Variants in GRIN2B observed in about 807,000 individuals in gnomAD.
The protein encoded by GRIN2B is glutamate receptor ionotropic, NMDA 2B.
GRIN2B carries 5 observed loss-of-function variants against 114.5 expected under a neutral mutation model. The observed-to-expected ratio is 0.04, with a 90% CI of 0.02 to 0.09. The LOEUF (loss-of-function observed/expected upper bound fraction) is 0.09. GRIN2B is among the 10% of genes least tolerant of loss of function. The probability of loss-of-function intolerance (pLI) is 1.00; values close to 1 mark genes in which losing one functional copy is unlikely to be tolerated. For synonymous variants in GRIN2B, 787 were observed against 745.1 expected (o/e 1.06, Z -0.92); for missense variants, 1,108 against 1,943.5 (o/e 0.57, Z 8.08).
At chr12:13,867,820 A>T (rs1163117093) in intron 2 of GRIN2B, among the ~76,000 whole-genome samples, 4 of 151,678 alleles carry the variant, frequency 2.6e-5, no homozygotes, top group Non-Finnish European at 4.4e-5. Flanking sequence ...CCAAAACCAG[A>T]TTCTCATTCT....
rs1948318689 is a variant in GRIN2B at position 13,544,359 on chromosome 12, G to C, written c.*18424C>G. ...TGCTGGTCCCTTCTCATCTCCTGGA[G>C]CTTTGAACAATCCTCCACCCTGGGC... On this transcript the variant is annotated 3_prime_UTR_variant, in exon 14 of 14. Coordinates refer to ENST00000609686, the MANE Select transcript of GRIN2B (RefSeq NM_000834.5). 6.6e-6 allele frequency: 1 copy of C among 152,214 alleles called. No individual in the cohort carries two copies. The highest frequency in any genetic ancestry group is 1.5e-5 in the Non-Finnish European group (1 of 68,132). The allele number at this position is 152,214 out of a possible 1,614,324, so 9.4% of individuals were successfully genotyped here.
intron 3 of GRIN2B, among the ~76,000 whole-genome samples, chr12:13,827,229 C>CTTTTTTTTTTTTTTTTTTTTTT (rs57007962): frequency 1.0e-5 from 1 of 98,656 alleles, no homozygotes; most frequent in Non-Finnish European, 2.0e-5. Context: ...TTGTTGTTTT[C>CTTTTTTTTTTTTTTTTTTTTTT]TTTTTTTTTT....
chr12:13,621,632 T>G lies in GRIN2B; in HGVS notation c.1126-4975A>C, dbSNP rs868266395. The stretch of plus-strand genomic sequence containing the variant: ...GTTTTTGTTTTTTTTTTTTTTTTTT[T>G]TTTTTTTTCAGAAAAACAGTGATGT... On this transcript the variant is annotated intron_variant, in intron 5 of 13. Coordinates refer to ENST00000609686, the MANE Select transcript of GRIN2B (RefSeq NM_000834.5). 6.6e-3 allele frequency among the ~76,000 whole-genome samples: 967 copies of G among 147,360 alleles called. 52 individuals carry two copies. The highest frequency in any genetic ancestry group is 0.023 in the African/African-American group (921 of 39,692).
At chr12:13,669,469 C>T (rs780593654) in intron 5 of GRIN2B, among the ~76,000 whole-genome samples, 3 of 152,018 alleles carry the variant, frequency 2.0e-5, no homozygotes, top group East Asian at 1.9e-4. Context: ...TGTTGTCAAA[C>T]GGTGGTATCA....
intron 3 of GRIN2B, among the ~76,000 whole-genome samples, chr12:13,781,255 G>A (rs1248651084): frequency 1.3e-5 from 2 of 152,194 alleles, no homozygotes; most frequent in Admixed American, 6.5e-5. Context: ...GGGTAGGCAC[G>A]AAAGTTGAGA....
chr12:13,715,495 A>G (rs1425289384), intron 4 of GRIN2B, among the ~76,000 whole-genome samples: 1 of 151,962 alleles, frequency 6.6e-6, no homozygotes, highest in Non-Finnish European at 1.5e-5. Context: ...GAAAAGTAAC[A>G]TGCAGTAAAC....
intron 4 of GRIN2B, among the ~76,000 whole-genome samples, chr12:13,702,803 C>T (rs934328239): frequency 1.3e-5 from 2 of 152,178 alleles, no homozygotes; most frequent in Non-Finnish European, 2.9e-5. Flanking sequence ...CCCTTCCTGT[C>T]ATACCACATG....
rs1489676030 is a variant in GRIN2B, at chr12:13,753,958, C to G, written c.412-43G>C. ...CAAAAAAAGGAAGAGAGAAAAAAAT[C>G]AAACCAAAGATGGTAATGGAGATTT... On this transcript the variant is annotated intron_variant, in intron 3 of 13. Coordinates refer to ENST00000609686, the MANE Select transcript of GRIN2B (RefSeq NM_000834.5). The surrounding 1 kb of genome is among the most constrained non-coding windows in gnomAD (Gnocchi z 6.2). 1 of 1,322,988 alleles carries G rather than the reference C, an allele frequency of 7.6e-7. No individual in the cohort carries two copies. Among genetic ancestry groups the G allele is most frequent in the Non-Finnish European group, 1.1e-6 (1 of 917,876 alleles). 82.0% of individuals were successfully genotyped at this position (1,322,988 alleles called of 1,614,324 possible). A position where few individuals can be genotyped will look rare whatever the true frequency, so the allele number is the denominator to read the frequency against.
At chr12:13,909,181 G>A (rs574030387) in intron 2 of GRIN2B, among the ~76,000 whole-genome samples, 1 of 152,276 alleles carries the variant, frequency 6.6e-6, no homozygotes, top group East Asian at 1.9e-4. Context: ...GCTCAGGCAG[G>A]CCATGTTACA....
At chr12:13,874,546 C>A (rs934300326) in intron 2 of GRIN2B, among the ~76,000 whole-genome samples, 1 of 152,138 alleles carries the variant, frequency 6.6e-6, no homozygotes, top group African/African-American at 2.4e-5. Context: ...AATATCTGCA[C>A]GCAGTTCTTA....
intron 4 of GRIN2B, among the ~76,000 whole-genome samples, chr12:13,715,137 G>A (rs1482566675): frequency 1.3e-5 from 2 of 151,822 alleles, no homozygotes; most frequent in Non-Finnish European, 2.9e-5. Flanking sequence ...AGAAGACAAT[G>A]ATGTTCGCTA....
intron 12 of GRIN2B, 41 bp downstream of exon 12, chr12:13,569,789 C>T: frequency 7.8e-7 from 1 of 1,276,028 alleles, no homozygotes; most frequent in Non-Finnish European, 1.1e-6. Flanking sequence ...GACTGGCCAT[C>T]AGTAGAGGAC....
rs753955843 is a variant in GRIN2B, at chr12:13,675,832, C to A, written c.1038G>T (p.Gly346=). 6.2e-7 allele frequency: 1 copy of A among 1,605,398 alleles called. No homozygotes were observed. The highest frequency in any genetic ancestry group is 2.2e-5 in the East Asian group (1 of 44,800). Reference sequence around the variant, plus strand: ...CATCTTCACTGAAGGACAAATTCCTCCCCTCAAAAGTGACATTGATCAGAT... The same window carrying A: ...CATCTTCACTGAAGGACAAATTCCTACCCTCAAAAGTGACATTGATCAGAT... ...NRYLINVTFE[G]RNLSFSEDGY... The change falls in exon 5 of 14, where the codon GGG becomes GGT. Residue 346 remains glycine, a synonymous_variant. Coordinates refer to ENST00000609686, the MANE Select transcript of GRIN2B (RefSeq NM_000834.5).
At chr12:13,859,570 A>G (rs183366049) in intron 3 of GRIN2B, among the ~76,000 whole-genome samples, 132 of 152,314 alleles carry the variant, frequency 8.7e-4, no homozygotes, top group Admixed American at 4.1e-3. Flanking sequence ...GGAAAATTGG[A>G]GAGAAGAAAC....
chr12:13,680,333 C>A (rs1950115876), intron 4 of GRIN2B, among the ~76,000 whole-genome samples: 1 of 151,992 alleles, frequency 6.6e-6, no homozygotes, highest in Non-Finnish European at 1.5e-5. Context: ...TCTCTCCAAA[C>A]ATGTCATCCT....
intron 3 of GRIN2B, among the ~76,000 whole-genome samples, chr12:13,834,491 A>T (rs1401036158): frequency 6.6e-6 from 1 of 152,000 alleles, no homozygotes; most frequent in East Asian, 1.9e-4. Flanking sequence ...CACCAGTGTT[A>T]TTTCCCACTC....
At chr12:13,964,266 C>T (rs1867750031) in intron 2 of GRIN2B, among the ~76,000 whole-genome samples, 2 of 152,188 alleles carry the variant, frequency 1.3e-5, no homozygotes, top group Admixed American at 6.5e-5. Flanking sequence ...TGATTTCTGC[C>T]ACCTTAAAGA....
In GRIN2B at chr12:13,615,705, C is replaced by A. The variant is rs1482576239; in HGVS notation, c.1329-41G>T. 5 of 1,579,150 alleles carry A rather than the reference C, an allele frequency of 3.2e-6. No individual in the cohort carries two copies. The highest frequency in any genetic ancestry group is 2.7e-5 in the African/African-American group (2 of 74,238). On this transcript the variant is annotated intron_variant, in intron 6 of 13. Coordinates refer to ENST00000609686, the MANE Select transcript of GRIN2B (RefSeq NM_000834.5). This position sits in a 1 kb window ranked among gnomAD's most constrained non-coding sequence, Gnocchi z 5.8. Reference sequence around the variant, plus strand: ...AACAAAAACAAACAAACAAAAAAGTCTTTGTACAAAAAGCCAACATTTATT... The same window carrying A: ...AACAAAAACAAACAAACAAAAAAGTATTTGTACAAAAAGCCAACATTTATT...
chr12:13,708,597 C>T (rs1250057483), intron 4 of GRIN2B, among the ~76,000 whole-genome samples: 3 of 152,028 alleles, frequency 2.0e-5, no homozygotes, highest in Non-Finnish European at 4.4e-5. Context: ...GGAGAGGAGA[C>T]ATTGAATTTG....
Sources: allele counts gnomAD v4.1 joint callset (sites outside exome capture counted in the v4.1 genomes callset), GRCh38; gene constraint gnomAD v4.1.1; non-coding constraint Gnocchi (gnomAD v3.1); transcripts MANE v1.5; gene names NCBI Gene and HGNC (gene_info 2026-07-23, HGNC 2026-07-21).